C13orf42: variants seen among roughly 807,000 people sequenced by gnomAD.
C13orf42 encodes uncharacterized protein C13orf42.
intron 1 of C13orf42, among the ~76,000 whole-genome samples, chr13:51,090,791 A>G (rs1942932481): frequency 1.3e-5 from 2 of 152,184 alleles, no homozygotes; most frequent in African/African-American, 2.4e-5. Flanking sequence ...GCATCCGGCC[A>G]TTGGCTAGCT....
chr13:51,132,597 A>G (rs1953626104), intron 1 of C13orf42, among the ~76,000 whole-genome samples: 1 of 152,126 alleles, frequency 6.6e-6, no homozygotes, highest in Admixed American at 6.5e-5. Context: ...AGACTTGGGA[A>G]TATCATCGCC....
intron 1 of C13orf42, among the ~76,000 whole-genome samples, chr13:51,141,002 A>C (rs1464144473): frequency 1.3e-5 from 2 of 152,072 alleles, no homozygotes; most frequent in Non-Finnish European, 2.9e-5. Flanking sequence ...CCTAGCTGAA[A>C]TATGGTAATA....
At chr13:51,101,052 G>A (rs910665408) in intron 1 of C13orf42, among the ~76,000 whole-genome samples, 9 of 152,196 alleles carry the variant, frequency 5.9e-5, no homozygotes, top group African/African-American at 1.9e-4. Context: ...ATATGGACAT[G>A]AGGTTTGCCA....
At chr13:51,089,263 T>C (rs1953159205) in intron 1 of C13orf42, among the ~76,000 whole-genome samples, 1 of 152,196 alleles carries the variant, frequency 6.6e-6, no homozygotes, top group Non-Finnish European at 1.5e-5. Flanking sequence ...AGGATTTTCC[T>C]TTTATACTTG....
At chr13:51,167,045 C>T (rs539302889) in intron 1 of C13orf42, among the ~76,000 whole-genome samples, 1 of 151,930 alleles carries the variant, frequency 6.6e-6, no homozygotes, top group East Asian at 1.9e-4. Flanking sequence ...TGCCACTGCA[C>T]TCCAGCCTGG....
chr13:51,111,556 C>A (rs1472255845), upstream of C13orf42, among the ~76,000 whole-genome samples: 1 of 152,212 alleles, frequency 6.6e-6, no homozygotes, highest in Non-Finnish European at 1.5e-5. Context: ...GAAAGTGGGA[C>A]AGAGCTTTGC....
intron 1 of C13orf42, among the ~76,000 whole-genome samples, chr13:51,130,351 C>T (rs148545297): frequency 2.0e-5 from 3 of 152,158 alleles, no homozygotes; most frequent in Non-Finnish European, 1.5e-5. Flanking sequence ...AATTAGCGTG[C>T]CCCCTATCTA....
intron 1 of C13orf42, among the ~76,000 whole-genome samples, chr13:51,147,359 G>C (rs943742590): frequency 1.3e-5 from 2 of 152,222 alleles, no homozygotes; most frequent in African/African-American, 4.8e-5. Flanking sequence ...GCAGGGGCCT[G>C]GGTCCCAGTC....
At chr13:51,109,228 T>C (rs1289324677) in intron 1 of C13orf42, among the ~76,000 whole-genome samples, 1 of 152,214 alleles carries the variant, frequency 6.6e-6, no homozygotes, top group Non-Finnish European at 1.5e-5. Context: ...CCACCTGGTA[T>C]AACATGCAGA....
At chr13:51,136,195 C>G (rs564287655) in intron 1 of C13orf42, among the ~76,000 whole-genome samples, 3 of 152,146 alleles carry the variant, frequency 2.0e-5, no homozygotes, top group African/African-American at 7.2e-5. Flanking sequence ...CTGAGCTGGT[C>G]GGTGCTAGGC....
intron 3 of C13orf42, among the ~76,000 whole-genome samples, 193 bp downstream of exon 3, chr13:51,085,126 G>T (rs1953107660): frequency 6.6e-6 from 1 of 151,414 alleles, no homozygotes; most frequent in South Asian, 2.1e-4. Context: ...CCAGGCTAGA[G>T]TGCAGACTAC....
intron 1 of C13orf42, among the ~76,000 whole-genome samples, chr13:51,171,194 A>G (rs1178613490): frequency 6.6e-6 from 1 of 151,620 alleles, no homozygotes; most frequent in Non-Finnish European, 1.5e-5. Context: ...AACCTCTTCA[A>G]CTCACACCTG....
intron 1 of C13orf42, among the ~76,000 whole-genome samples, chr13:51,139,556 G>A (rs1196899246): frequency 6.6e-6 from 1 of 152,120 alleles, no homozygotes; most frequent in Admixed American, 6.5e-5. Context: ...TGAGATAGGA[G>A]GTTGGCACAA....
At chr13:51,166,663 G>T (rs1953904548) in intron 1 of C13orf42, among the ~76,000 whole-genome samples, 1 of 150,696 alleles carries the variant, frequency 6.6e-6, no homozygotes, top group Non-Finnish European at 1.5e-5. Flanking sequence ...GTACATTTTT[G>T]ACTTTGAAAT....
intron 1 of C13orf42, among the ~76,000 whole-genome samples, chr13:51,147,585 C>A (rs1277096075): frequency 6.6e-6 from 1 of 152,070 alleles, no homozygotes. Context: ...AAAAATTAGC[C>A]GGGCATGATG....
At position 51,152,206 on chromosome 13, in the gene C13orf42, T is replaced by C. The variant is rs938415591; in HGVS notation, n.136+20047A>G. Among the ~76,000 whole-genome samples, 3 of 152,232 alleles carry C rather than the reference T, an allele frequency of 2.0e-5. No individual in the cohort carries two copies. The South Asian group carries it at 6.2e-4, about 32-fold the overall frequency. ...ATTCCTACTGCTATGTGACCATGCT[T>C]AGAACGGTGCACTCCAGCTCTGTGT... On this transcript the variant is annotated intron_variant and non_coding_transcript_variant, in intron 1 of 4. Transcript: ENST00000433280.
chr13:51,139,034 CGGCCG>C (rs1953677851), intron 1 of C13orf42, among the ~76,000 whole-genome samples: 1 of 152,090 alleles, frequency 6.6e-6, no homozygotes, highest in Non-Finnish European at 1.5e-5. Context: ...AGTCAAACTC[CGGCCG>C]GGTGCAGTAG....
At chr13:51,099,581 C>T (rs966662416) in intron 1 of C13orf42, among the ~76,000 whole-genome samples, 41 of 152,202 alleles carry the variant, frequency 2.7e-4, no homozygotes, top group Admixed American at 2.7e-3. Flanking sequence ...AGGTTGTAGA[C>T]TCACTGGATC....
intron 1 of C13orf42, among the ~76,000 whole-genome samples, chr13:51,124,295 A>G (rs911259466): frequency 2.0e-5 from 3 of 152,112 alleles, no homozygotes; most frequent in African/African-American, 7.2e-5. Flanking sequence ...TTCCGGGGAG[A>G]CTGATTTGAG....
Sources: allele counts gnomAD v4.1 joint callset (sites outside exome capture counted in the v4.1 genomes callset), GRCh38; gene constraint gnomAD v4.1.1; transcripts MANE v1.5; gene names NCBI Gene and HGNC (gene_info 2026-07-23, HGNC 2026-07-21).